Variants in ARNT observed in about 807,000 individuals in gnomAD.
ARNT encodes aryl hydrocarbon receptor nuclear translocator, also known as class E basic helix-loop-helix protein 2.
Under a neutral mutation model 105.0 loss-of-function variants are expected in ARNT, and 30 were observed. The ratio of observed to expected loss-of-function variants is 0.29; its 90% CI spans 0.21 to 0.39. The LOEUF is 0.39. Among genes scored for constraint, ARNT ranks in the 10% least tolerant of loss-of-function variants. ARNT has a pLI of 1.00. For missense variants in ARNT, 748 were observed against 978.7 expected, an observed-to-expected ratio of 0.76 and a Z score of 3.15; for synonymous variants, 304 against 344.0, an observed-to-expected ratio of 0.88 and a Z score of 1.29.
At chr1:150,840,463 G>A (rs1317466995) in intron 5 of ARNT, among the ~76,000 whole-genome samples, 1 of 152,092 alleles carries the variant, frequency 6.6e-6, no homozygotes, top group South Asian at 2.1e-4. Flanking sequence ...AGATTTCCTT[G>A]GTCTATAAAA....
chr1:150,854,229 G>C (rs1324646844), intron 2 of ARNT, among the ~76,000 whole-genome samples: 3 of 152,066 alleles, frequency 2.0e-5, no homozygotes, highest in African/African-American at 7.2e-5. Flanking sequence ...GGAACTATAG[G>C]AGCCCACCAC....
intron 3 of ARNT, among the ~76,000 whole-genome samples, chr1:150,851,537 G>C (rs1269917824): frequency 1.3e-5 from 2 of 152,262 alleles, no homozygotes; most frequent in African/African-American, 4.8e-5. Flanking sequence ...GCCTTGGGAT[G>C]CTGTTGATCT....
chr1:150,813,397 A>G, intron 20 of ARNT, 59 bp from the exon 21 acceptor site: 3 of 1,485,170 alleles, frequency 2.0e-6, no homozygotes, highest in Non-Finnish European at 2.7e-6. Flanking sequence ...ATTGTGTACT[A>G]ATGCCACAAG....
chr1:150,858,847 G>A (rs924454709), intron 1 of ARNT, among the ~76,000 whole-genome samples: 1 of 148,504 alleles, frequency 6.7e-6, no homozygotes, highest in African/African-American at 2.5e-5. Flanking sequence ...GGTCTTGAAC[G>A]CCTAGCTCCA....
In ARNT at chr1:150,858,401, C is replaced by T. The variant is rs770745835; in HGVS notation, c.85G>A (p.Gly29Arg). 6.2e-7 allele frequency: 1 copy of T among 1,610,204 alleles called. No homozygotes were observed. Among genetic ancestry groups the T allele is most frequent in the Non-Finnish European group, 8.5e-7 (1 of 1,178,218 alleles). Residue 29 changes from glycine (G) to arginine (R), a missense_variant, in exon 2 of 22, where the codon GGA (glycine) becomes AGA (arginine). Transcript: ENST00000358595. ...ACAATGGCTCCTCCACCTTGAATTCCAGGTCCAGAGTTTCCAGAGGCAATG... is the reference window on the plus strand; with the variant it reads ...ACAATGGCTCCTCCACCTTGAATTCTAGGTCCAGAGTTTCCAGAGGCAATG... ...PAIASGNSGP[G>R]IQGGGAIVQR...
intron 11 of ARNT, chr1:150,829,478 C>G (rs1371654214): frequency 6.7e-6 from 4 of 593,630 alleles, no homozygotes; most frequent in Non-Finnish European, 1.2e-5. Context: ...AATCTAAAAT[C>G]CACATACTGG....
In ARNT at chr1:150,839,424, C is replaced by A; in HGVS notation, c.486+17G>T. On this transcript the variant is annotated intron_variant, in intron 6 of 21. Coordinates refer to ENST00000358595, the MANE Select transcript of ARNT (RefSeq NM_001668.4). ...ACCCAGATTCCAGACTCTCTCAGAA[C>A]TATAAGTCCCAGAGACCTGATCAGT... 1 of 1,613,760 alleles carries A rather than the reference C, an allele frequency of 6.2e-7. No individual in the cohort carries two copies. Among genetic ancestry groups the A allele is most frequent in the Non-Finnish European group, 8.5e-7 (1 of 1,179,644 alleles).
rs1052210778 is a variant in ARNT at position 150,818,141 on chromosome 1, A to T, written c.1395-111T>A. ...TGTAAAGCTCTATAGATTCATCTGTAGGTGGAACAATCAATAAATCCTTCA... is the reference window on the plus strand; with the variant it reads ...TGTAAAGCTCTATAGATTCATCTGTTGGTGGAACAATCAATAAATCCTTCA... On this transcript the variant is annotated intron_variant, in intron 14 of 21. Transcript: ENST00000358595. 7 of 714,716 alleles carry T rather than the reference A, an allele frequency of 9.8e-6. No individual in the cohort carries two copies. In the African/African-American group the frequency reaches 1.1e-4, roughly 11 times the overall value. The allele number at this position is 714,716 out of a possible 1,614,324, so 44.3% of individuals were successfully genotyped here.
rs1029527906 is a variant in ARNT, at chr1:150,811,395, C to T, written c.*626G>A. 1 of 233,400 alleles carries T rather than the reference C, an allele frequency of 4.3e-6. No individual in the cohort carries two copies. The allele number at this position is 233,400 out of a possible 1,614,324, so 14.5% of individuals were successfully genotyped here. A position where few individuals can be genotyped will look rare whatever the true frequency, so the allele number is the denominator to read the frequency against. Reference sequence around the variant, plus strand: ...GTACACAGAAAGACAAAGGTAAAATCGGGGACAAATTTTGCATAACTCCCT... The same window carrying T: ...GTACACAGAAAGACAAAGGTAAAATTGGGGACAAATTTTGCATAACTCCCT... On this transcript the variant is annotated 3_prime_UTR_variant, in exon 22 of 22. Coordinates refer to ENST00000358595, the MANE Select transcript of ARNT (RefSeq NM_001668.4).
intron 1 of ARNT, among the ~76,000 whole-genome samples, chr1:150,873,995 C>A (rs1667866013): frequency 2.1e-5 from 2 of 96,082 alleles, no homozygotes; most frequent in Non-Finnish European, 2.1e-5. Flanking sequence ...TTTTTAAAAT[C>A]TTGACAAAAC....
At chr1:150,824,890 C>T (rs899397615) in intron 13 of ARNT, among the ~76,000 whole-genome samples, 2 of 151,806 alleles carry the variant, frequency 1.3e-5, no homozygotes, top group African/African-American at 2.4e-5. Flanking sequence ...TTTAGACAGT[C>T]TTGCTCTATC....
chr1:150,853,260 GA>G, intron 2 of ARNT: 1 of 370,668 alleles, frequency 2.7e-6, no homozygotes, highest in Non-Finnish European at 5.3e-6. Flanking sequence ...AAGCCTGGGC[GA>G]CAACTGCAAG....
chr1:150,816,551 G>T, intron 18 of ARNT, 145 bp from the exon 19 acceptor site: 1 of 1,108,896 alleles, frequency 9.0e-7, no homozygotes, highest in Non-Finnish European at 1.2e-6. Flanking sequence ...GAAAAGACAA[G>T]AAAGACTGAC....
intron 4 of ARNT, among the ~76,000 whole-genome samples, chr1:150,845,911 AAATT>A (rs1662118527): frequency 6.6e-6 from 1 of 152,192 alleles, no homozygotes; most frequent in Non-Finnish European, 1.5e-5. Flanking sequence ...CAAAATAAAT[AAATT>A]AATTACAGAA....
At chr1:150,818,187 T>G in intron 14 of ARNT, 157 bp from the exon 15 acceptor site, 2 of 533,848 alleles carry the variant, frequency 3.7e-6, no homozygotes, top group Non-Finnish European at 6.5e-6. Context: ...ATCCTATAGT[T>G]AATCTAGGGT....
intron 1 of ARNT, among the ~76,000 whole-genome samples, chr1:150,859,438 C>T (rs1665206386): frequency 6.6e-6 from 1 of 151,864 alleles, no homozygotes; most frequent in South Asian, 2.1e-4. Context: ...CCTCAACCTC[C>T]CGGGCTCCAG....
At chr1:150,875,456 A>C (rs886983628) in intron 1 of ARNT, among the ~76,000 whole-genome samples, 2 of 152,132 alleles carry the variant, frequency 1.3e-5, no homozygotes, top group African/African-American at 2.4e-5. Flanking sequence ...GGATGGGGGT[A>C]ATCACTCCTA....
Position 150,831,666 on chromosome 1 carries a change from A to G in ARNT, c.955+152T>C. 3 of 579,402 alleles carry G rather than the reference A, an allele frequency of 5.2e-6. No individual in the cohort carries two copies. The South Asian group carries it at 6.7e-5, about 13-fold the overall frequency. 35.9% of individuals were successfully genotyped at this position (579,402 alleles called of 1,614,324 possible). On this transcript the variant is annotated intron_variant, in intron 10 of 21. Coordinates refer to ENST00000358595, the MANE Select transcript of ARNT (RefSeq NM_001668.4). Reference sequence around the variant, plus strand: ...ACTGGAATAAAAGCTCAATAATGGAAGGGAAGGATTGTACATTTTCTTTTC... The same window carrying G: ...ACTGGAATAAAAGCTCAATAATGGAGGGGAAGGATTGTACATTTTCTTTTC...
chr1:150,858,306 G>A, intron 2 of ARNT, 43 bp downstream of exon 2: 1 of 1,460,424 alleles, frequency 6.8e-7, no homozygotes, highest in Non-Finnish European at 9.4e-7. Context: ...ACTAAAGTTG[G>A]TTTATAGGAG....
Sources: allele counts gnomAD v4.1 joint callset (sites outside exome capture counted in the v4.1 genomes callset), GRCh38; gene constraint gnomAD v4.1.1; transcripts MANE v1.5; gene names NCBI Gene and HGNC (gene_info 2026-07-23, HGNC 2026-07-21).